Variants in HNRNPU observed in about 807,000 individuals in gnomAD.
The protein encoded by HNRNPU is heterogeneous nuclear ribonucleoprotein U, also known as HNRNPU antisense RNA 1.
HNRNPU carries 5 observed loss-of-function variants against 94.7 expected under a neutral mutation model. The observed-to-expected ratio is 0.05, with a 90% CI of 0.03 to 0.11. The LOEUF (loss-of-function observed/expected upper bound fraction) is 0.11, where lower values mean the gene tolerates loss of function less well. Ranked by LOEUF, HNRNPU falls within the 10% of genes least tolerant of loss-of-function variation. The pLI is 1.00. For missense variants in HNRNPU, 710 were observed against 1,049.2 expected (o/e 0.68, Z 4.47); for synonymous variants, 434 against 381.6 (o/e 1.14, Z -1.60).
At chr1:244,855,145 A>G in intron 12 of HNRNPU, 101 bp from the exon 13 acceptor site, 1 of 913,100 alleles carries the variant, frequency 1.1e-6, no homozygotes, top group Non-Finnish European at 1.8e-6. Flanking sequence ...GCTAGCCCCT[A>G]ATCTTAGGTA....
chr1:244,864,453 C>T lies in HNRNPU; in HGVS notation c.-146G>A. 1.5e-6 allele frequency: 2 copies of T among 1,369,918 alleles called. No individual in the cohort carries two copies. The highest frequency in any genetic ancestry group is 2.6e-5 in the East Asian group (1 of 38,330). 84.9% of individuals were successfully genotyped at this position (1,369,918 alleles called of 1,614,324 possible). On this transcript the variant is annotated 5_prime_UTR_variant, in exon 1 of 14. Transcript: ENST00000640218. ...ATGGGTTCGTGCTGCAGAGCGGATC[C>T]GCCTGGTGTCGAACGGCGCCAATTC...
At position 244,863,957 on chromosome 1, in the gene HNRNPU, G is replaced by C; in HGVS notation, c.351C>G (p.Asp117Glu). ...GEENGAAGAA[D>E]SGPMEEEEAA... is the part of the protein sequence containing the mutation. ...CCTCCTCCTCCTCCATCGGGCCCGAGTCGGCCGCCCCCGCGGCCCCGTTCT... is the reference window on the plus strand; with the variant it reads ...CCTCCTCCTCCTCCATCGGGCCCGACTCGGCCGCCCCCGCGGCCCCGTTCT... Residue 117 changes from aspartate to glutamate, a missense_variant, in exon 1 of 14, where the codon GAC becomes GAG. Transcript: ENST00000640218. 3 of 1,613,558 alleles carry C rather than the reference G, an allele frequency of 1.9e-6. No homozygotes were observed. Among genetic ancestry groups the C allele is most frequent in the Middle Eastern group, 1.6e-4 (1 of 6,062 alleles).
rs1054002781 is a variant in HNRNPU, at chr1:244,856,438, C to G, written c.1912+19G>C. The stretch of plus-strand genomic sequence containing the variant: ...TTAAAAAGAAGATTTCACACAGTAA[C>G]AGAATTAAAATTCCATGCCTTTCAT... On this transcript the variant is annotated intron_variant, in intron 10 of 13. Coordinates refer to ENST00000640218, the MANE Select transcript of HNRNPU (RefSeq NM_031844.3). 1 of 1,597,946 alleles carries G rather than the reference C, an allele frequency of 6.3e-7. No homozygotes were observed. Among genetic ancestry groups the G allele is most frequent in the East Asian group, 2.2e-5 (1 of 44,754 alleles).
Position 244,863,637 on chromosome 1 carries a change from C to T in HNRNPU, c.671G>A (p.Arg224His), listed in dbSNP as rs777471942. The T allele has an allele frequency of 1.3e-6, 2 of 1,542,850 alleles. No individual in the cohort carries two copies. The highest frequency in any genetic ancestry group is 3.9e-5 in the Admixed American group (2 of 51,564). ...CTCACCCGCCGCCGGAGCCCCGGGG[C>T]GACCGCCGCCTCCGCCGCCTTCCGC... is the stretch of plus-strand genomic sequence containing the variant. ...KKAEGGGGGG[R>H]PGAPAAGDGK... Residue 224 changes from arginine (R) to histidine (H), a missense_variant, in exon 1 of 14, where the codon CGC (arginine) becomes CAC (histidine). Arg to His is a conservative substitution (Grantham distance 29). Transcript: ENST00000640218.
chr1:244,862,020 C>T (rs1184492617), intron 3 of HNRNPU: 1 of 153,540 alleles, frequency 6.5e-6, no homozygotes, highest in African/African-American at 2.4e-5. Flanking sequence ...ATATTACAAT[C>T]TTTTAAAATA....
intron 6 of HNRNPU, chr1:244,858,492 C>G: frequency 1.6e-6 from 1 of 607,984 alleles, no homozygotes; most frequent in South Asian, 2.1e-5. Flanking sequence ...AGAAGCTAGA[C>G]TGAATTTTCT....
chr1:244,857,443 C>T (rs1039154534), intron 8 of HNRNPU, 155 bp downstream of exon 8: 47 of 718,656 alleles, frequency 6.5e-5, no homozygotes, highest in Middle Eastern at 2.5e-4. Flanking sequence ...AACGGGGCTT[C>T]GCCATGTTGG....
rs755807978 is a variant in HNRNPU, at chr1:244,856,808, G to A, written c.1663C>T (p.Leu555=). Residue 555 remains leucine, a synonymous_variant, in exon 9 of 14, where the codon CTG becomes TTG. Coordinates refer to ENST00000640218, the MANE Select transcript of HNRNPU (RefSeq NM_031844.3). ...QMADTGKLNT[L]LQRAPQCLGK... Reference sequence around the variant, plus strand: ...AGACACTGGGGGGCTCTCTGCAACAGTGTGTTCAGTTTTCCAGTATCTGCC... The same window carrying A: ...AGACACTGGGGGGCTCTCTGCAACAATGTGTTCAGTTTTCCAGTATCTGCC... 3.1e-6 allele frequency: 5 copies of A among 1,610,326 alleles called. No individual in the cohort carries two copies. The African/African-American group carries it at 5.4e-5, about 17-fold the overall frequency.
In HNRNPU at chr1:244,862,454, C is replaced by T; in HGVS notation, c.877+7G>A. ...TTTCATAATTGGGGAGAAACAGCTT[C>T]ACTTACAAGTATCAAGACAAACCAC... On this transcript the variant is annotated splice_region_variant and intron_variant, in intron 3 of 13. Transcript: ENST00000640218. 1.3e-6 allele frequency: 2 copies of T among 1,551,522 alleles called. No homozygotes were observed. Among genetic ancestry groups the T allele is most frequent in the Non-Finnish European group, 1.8e-6 (2 of 1,130,230 alleles).
At chr1:244,858,636 T>G in intron 6 of HNRNPU, 93 bp downstream of exon 6, 1 of 706,298 alleles carries the variant, frequency 1.4e-6, no homozygotes, top group Admixed American at 2.7e-5. Context: ...TTGTTGCTCA[T>G]ATTGAAAACT....
At position 244,864,468 on chromosome 1, in the gene HNRNPU, G is replaced by T. The variant is rs1436467412; in HGVS notation, c.-161C>A. 2.4e-6 allele frequency: 3 copies of T among 1,260,620 alleles called. No homozygotes were observed. Among genetic ancestry groups the T allele is most frequent in the Non-Finnish European group, 3.2e-6 (3 of 929,432 alleles). 78.1% of individuals were successfully genotyped at this position (1,260,620 alleles called of 1,614,324 possible). A position where few individuals can be genotyped will look rare whatever the true frequency, so the allele number is the denominator to read the frequency against. ...AGAGCGGATCCGCCTGGTGTCGAACGGCGCCAATTCCTTTCACCGAGTTCG... is the reference window on the plus strand; with the variant it reads ...AGAGCGGATCCGCCTGGTGTCGAACTGCGCCAATTCCTTTCACCGAGTTCG... On this transcript the variant is annotated 5_prime_UTR_variant, in exon 1 of 14. Coordinates refer to ENST00000640218, the MANE Select transcript of HNRNPU (RefSeq NM_031844.3).
chr1:244,858,884 G>C (rs1473825659), intron 5 of HNRNPU, 43 bp from the exon 6 acceptor site: 1 of 919,342 alleles, frequency 1.1e-6, no homozygotes, highest in East Asian at 2.4e-5. Context: ...GTTTAAAATA[G>C]TCCAAAGACT....
intron 5 of HNRNPU, 93 bp from the exon 6 acceptor site, chr1:244,858,934 T>C: frequency 1.5e-6 from 1 of 661,094 alleles, no homozygotes; most frequent in South Asian, 1.9e-5. Flanking sequence ...ACAAGAGAAA[T>C]AAGCATATAA....
In HNRNPU at chr1:244,863,867, G is replaced by T. The variant is rs539279281; in HGVS notation, c.441C>A (p.Asp147Glu). The part of the protein sequence containing the change: ...GFQEGEDELG[D>E]EEEGAGDENG... ...TCTCGTCGCCCGCGCCTTCCTCTTC[G>T]TCCCCGAGCTCATCTTCCCCTTCCT... Residue 147 changes from aspartate to glutamate, a missense_variant, in exon 1 of 14, where the codon GAC becomes GAA. Transcript: ENST00000640218. 3 of 1,612,930 alleles carry T rather than the reference G, an allele frequency of 1.9e-6. No homozygotes were observed. In the African/African-American group the frequency reaches 4.0e-5, roughly 22 times the overall value.
rs1345737156 is a variant in HNRNPU, at chr1:244,851,032, C to A, written c.*3418G>T. ...CTATGTTGCCCAGGATGGTCTCAAACTCCTGAGCTCAAGTGATCCTCCCGC... is the reference window on the plus strand; with the variant it reads ...CTATGTTGCCCAGGATGGTCTCAAAATCCTGAGCTCAAGTGATCCTCCCGC... On this transcript the variant is annotated 3_prime_UTR_variant, in exon 14 of 14. Coordinates refer to ENST00000640218, the MANE Select transcript of HNRNPU (RefSeq NM_031844.3). The A allele has an allele frequency of 6.6e-6, 1 of 151,988 alleles. No homozygotes were observed. Among genetic ancestry groups the A allele is most frequent in the Admixed American group, 6.6e-5 (1 of 15,260 alleles). The allele number at this position is 151,988 out of a possible 1,614,324, so 9.4% of individuals were successfully genotyped here.
chr1:244,863,414 ACACACACGCGCGCGCG>A (rs1289484119), intron 1 of HNRNPU, among the ~76,000 whole-genome samples, 187 bp downstream of exon 1: 10 of 143,220 alleles, frequency 7.0e-5, no homozygotes, highest in Non-Finnish European at 1.1e-4. Flanking sequence ...ACACACACAC[ACACACACGCGCGCGCG>A]CACACACACG....
At chr1:244,854,904 T>A in intron 13 of HNRNPU, 69 bp downstream of exon 13, 1 of 1,233,148 alleles carries the variant, frequency 8.1e-7, no homozygotes, top group Non-Finnish European at 1.2e-6. Context: ...AAGATCTTTT[T>A]CAAGACTGAT....
chr1:244,863,643 C>A lies in HNRNPU; in HGVS notation c.665G>T (p.Gly222Val). The change falls in exon 1 of 14, where the codon GGC becomes GTC. Residue 222 changes from glycine to valine, a missense_variant. Transcript: ENST00000640218. ...GKKKAEGGGG[G>V]GRPGAPAAGD... ...CGCCGCCGGAGCCCCGGGGCGACCG[C>A]CGCCTCCGCCGCCTTCCGCCTTCTT... The A allele has an allele frequency of 6.5e-7, 1 of 1,548,060 alleles. No individual in the cohort carries two copies. Among genetic ancestry groups the A allele is most frequent in the East Asian group, 2.5e-5 (1 of 39,968 alleles).
Position 244,860,227 on chromosome 1 carries a change from G to C in HNRNPU, c.1017+108C>G, listed in dbSNP as rs1055788322. 5.5e-5 allele frequency: 46 copies of C among 836,718 alleles called. No individual in the cohort carries two copies. In the East Asian group the frequency reaches 1.2e-3, roughly 22 times the overall value. The allele number at this position is 836,718 out of a possible 1,614,324, so 51.8% of individuals were successfully genotyped here. A position where few individuals can be genotyped will look rare whatever the true frequency, so the allele number is the denominator to read the frequency against. On this transcript the variant is annotated intron_variant, in intron 4 of 13. Coordinates refer to ENST00000640218, the MANE Select transcript of HNRNPU (RefSeq NM_031844.3). ...AAGCAAGGAGAATCGCTTGAACCCA[G>C]GACGCGGAGGTTGCAGTGAGCCTAG...
Sources: gnomAD v4.1 joint callset for allele counts (sites outside exome capture counted in the v4.1 genomes callset) on GRCh38, gnomAD v4.1.1 for gene constraint, MANE v1.5 for transcripts, NCBI Gene and HGNC (gene_info 2026-07-23, HGNC 2026-07-21) for gene names.